Variants in NAALADL2 observed in about 807,000 individuals in gnomAD.
NAALADL2 encodes N-acetylated alpha-linked acidic dipeptidase like 2.
NAALADL2 carries 76 observed loss-of-function variants against 87.2 expected under a neutral mutation model. That is an observed-to-expected ratio of 0.87 (90% CI 0.72 to 1.05). The LOEUF (loss-of-function observed/expected upper bound fraction) is 1.05, where lower values mean the gene tolerates loss of function less well. NAALADL2 is among the 50% of genes least tolerant of loss of function. The pLI is 0.00. For synonymous variants in NAALADL2, 354 were observed against 331.0 expected, an observed-to-expected ratio of 1.07 and a Z score of -0.75; for missense variants, 1,089 against 945.8, an observed-to-expected ratio of 1.15 and a Z score of -1.99.
chr3:175,737,165 AAG>A (rs1416398098), intron 11 of NAALADL2, 139 bp from the exon 12 acceptor site: 4 of 554,842 alleles, frequency 7.2e-6, no homozygotes, highest in East Asian at 3.3e-5. Context: ...TTAAAAGAAA[AAG>A]AGATTTTATA....
intron 2 of NAALADL2, among the ~76,000 whole-genome samples, chr3:174,727,219 A>C (rs1384531984): frequency 6.6e-6 from 1 of 150,416 alleles, no homozygotes; most frequent in African/African-American, 2.5e-5. Flanking sequence ...TATTTTGACT[A>C]TACAAATTTT....
At chr3:174,611,771 T>G (rs983215059) in intron 2 of NAALADL2, among the ~76,000 whole-genome samples, 4 of 151,522 alleles carry the variant, frequency 2.6e-5, no homozygotes, top group African/African-American at 9.7e-5. Context: ...TTGTATTTTT[T>G]TTTTTAGTAG....
At chr3:174,773,647 T>G (rs1375757278) in intron 3 of NAALADL2, among the ~76,000 whole-genome samples, 1 of 152,184 alleles carries the variant, frequency 6.6e-6, no homozygotes, top group African/African-American at 2.4e-5. Flanking sequence ...ATCAAATATT[T>G]CCAGGAGTTA....
intron 4 of NAALADL2, among the ~76,000 whole-genome samples, chr3:175,285,293 A>T (rs1754846418): frequency 6.6e-6 from 1 of 152,200 alleles, no homozygotes; most frequent in Admixed American, 6.5e-5. Context: ...GCTGTACCAC[A>T]TGTTACAATA....
chr3:175,035,400 G>T lies in NAALADL2; in HGVS notation c.44-61390G>T, dbSNP rs551049498. Reference sequence around the variant, plus strand: ...AATCCACATTAGTCAGCAGGTCAGGGTGCCATCAGTAGGAGAGCAATATAA... The same window carrying T: ...AATCCACATTAGTCAGCAGGTCAGGTTGCCATCAGTAGGAGAGCAATATAA... On this transcript the variant is annotated intron_variant, in intron 1 of 13. Coordinates refer to ENST00000454872, the MANE Select transcript of NAALADL2 (RefSeq NM_207015.3). Among the ~76,000 whole-genome samples the T allele has an allele frequency of 2.6e-4, 39 of 152,262 alleles. No homozygotes were observed. In the South Asian group the frequency reaches 8.1e-3, roughly 32 times the overall value.
At chr3:175,126,002 T>G (rs934512665) in intron 2 of NAALADL2, among the ~76,000 whole-genome samples, 10 of 152,008 alleles carry the variant, frequency 6.6e-5, no homozygotes, top group Non-Finnish European at 1.2e-4. Context: ...ACAGCCAAAA[T>G]TTGGAATTCT....
chr3:175,252,290 C>T (rs1749193138), intron 3 of NAALADL2, among the ~76,000 whole-genome samples: 1 of 152,050 alleles, frequency 6.6e-6, no homozygotes, highest in Non-Finnish European at 1.5e-5. Context: ...TTTGATAATT[C>T]CTGCAATATT....
chr3:174,664,886 C>G (rs1032673579), intron 2 of NAALADL2, among the ~76,000 whole-genome samples: 1 of 152,184 alleles, frequency 6.6e-6, no homozygotes, highest in Non-Finnish European at 1.5e-5. Context: ...TCACTGGAAC[C>G]AACAAAGTCC....
intron 2 of NAALADL2, among the ~76,000 whole-genome samples, chr3:174,580,572 G>T (rs577140283): frequency 6.6e-6 from 1 of 151,944 alleles, no homozygotes; most frequent in East Asian, 1.9e-4. Flanking sequence ...GCCACCTTTT[G>T]TTTCCAGGCA....
chr3:175,472,905 C>T (rs746662492), intron 9 of NAALADL2, among the ~76,000 whole-genome samples: 7 of 151,964 alleles, frequency 4.6e-5, no homozygotes, highest in African/African-American at 1.2e-4. Context: ...AAATGAGCCT[C>T]GGATGTCTCC....
chr3:174,878,508 T>C (rs1471646084), intron 1 of NAALADL2, among the ~76,000 whole-genome samples: 1 of 152,124 alleles, frequency 6.6e-6, no homozygotes, highest in African/African-American at 2.4e-5. Context: ...CTTTTAAAAC[T>C]ACCTTAATTT....
At chr3:174,605,815 A>G (rs974771867) in intron 2 of NAALADL2, among the ~76,000 whole-genome samples, 7 of 152,004 alleles carry the variant, frequency 4.6e-5, no homozygotes, top group Admixed American at 2.6e-4. Context: ...GAAGAGAGCA[A>G]TGGTTCTCCC....
intron 1 of NAALADL2, among the ~76,000 whole-genome samples, chr3:174,923,701 A>G (rs1735568255): frequency 6.6e-6 from 1 of 152,158 alleles, no homozygotes; most frequent in African/African-American, 2.4e-5. Flanking sequence ...GTAAAGAGAG[A>G]ACATTATTTA....
At chr3:175,018,604 G>A (rs1039895127) in intron 1 of NAALADL2, among the ~76,000 whole-genome samples, 1 of 151,986 alleles carries the variant, frequency 6.6e-6, no homozygotes, top group Non-Finnish European at 1.5e-5. Flanking sequence ...CCAGCTCACC[G>A]CATACACATC....
chr3:175,394,226 T>A (rs1002854377), intron 5 of NAALADL2, among the ~76,000 whole-genome samples: 21 of 152,152 alleles, frequency 1.4e-4, no homozygotes, highest in African/African-American at 4.8e-4. Flanking sequence ...CAATGATGGT[T>A]GAGAAGATGA....
chr3:175,635,384 G>C (rs1222319579), intron 11 of NAALADL2, among the ~76,000 whole-genome samples: 5 of 151,972 alleles, frequency 3.3e-5, no homozygotes, highest in African/African-American at 1.2e-4. Flanking sequence ...TATTAAGATA[G>C]GAAAAGAAGG....
chr3:175,768,381 A>T (rs1217669852), intron 13 of NAALADL2, among the ~76,000 whole-genome samples: 1 of 152,050 alleles, frequency 6.6e-6, no homozygotes, highest in Non-Finnish European at 1.5e-5. Flanking sequence ...GATCTATCAG[A>T]TTACTCATCC....
chr3:175,801,993 G>T (rs1242983212), intron 13 of NAALADL2, among the ~76,000 whole-genome samples: 1 of 152,050 alleles, frequency 6.6e-6, no homozygotes, highest in Non-Finnish European at 1.5e-5. Flanking sequence ...ACAGTGTAAT[G>T]AATTATATTA....
At chr3:174,676,676 T>TTA (rs1727069896) in intron 2 of NAALADL2, among the ~76,000 whole-genome samples, 1 of 151,874 alleles carries the variant, frequency 6.6e-6, no homozygotes, top group Admixed American at 6.6e-5. Flanking sequence ...TGTATAAACT[T>TTA]TACATCACAA....
Sources: gnomAD v4.1 joint callset for allele counts (sites outside exome capture counted in the v4.1 genomes callset) on GRCh38, gnomAD v4.1.1 for gene constraint, MANE v1.5 for transcripts, NCBI Gene and HGNC (gene_info 2026-07-23, HGNC 2026-07-21) for gene names.